HEATR4: variants seen among roughly 807,000 people sequenced by gnomAD.
The protein encoded by HEATR4 is HEAT repeat containing 4.
A neutral mutation model predicts 108.8 loss-of-function variants in HEATR4; 95 were observed. The ratio of observed to expected loss-of-function variants is 0.87; its 90% CI spans 0.74 to 1.04. HEATR4 has a LOEUF of 1.04. HEATR4 is among the 50% of genes least tolerant of loss of function. HEATR4 has a pLI of 0.00. For missense variants in HEATR4, 1,152 were observed against 1,253.8 expected, an observed-to-expected ratio of 0.92 and a Z score of 1.23; for synonymous variants, 443 against 459.4, an observed-to-expected ratio of 0.96 and a Z score of 0.46.
Position 73,514,107 on chromosome 14 carries a change from T to G in HEATR4, c.1338A>C (p.Ser446=). ...KTRRLKKQAK[S]LQEDVTWELV... ...GTTCCCAGGTCACATCCTCCTGCAG[T>G]GATTTTGCCTGCTTCTTCAATCTCC... is the stretch of plus-strand genomic sequence containing the variant. Residue 446 remains serine (S), a synonymous_variant, in exon 6 of 18, where the codon TCA becomes TCC. Coordinates refer to ENST00000553558, the MANE Select transcript of HEATR4 (RefSeq NM_001220484.1). The G allele has an allele frequency of 6.2e-7, 1 of 1,614,202 alleles. No homozygotes were observed. The highest frequency in any genetic ancestry group is 8.5e-7 in the Non-Finnish European group (1 of 1,180,038).
intron 1 of HEATR4, among the ~76,000 whole-genome samples, chr14:73,540,200 T>G (rs536499420): frequency 0.1 from 13,919 of 139,654 alleles, 21 homozygotes; most frequent in African/African-American, 0.29. Context: ...ACTTACAAAG[T>G]TAAATATGTT....
At chr14:73,576,736 C>T in the HEATR4 span, among the ~76,000 whole-genome samples, 11 of 123,030 alleles carry the variant, frequency 8.9e-5, no homozygotes, top group Non-Finnish European at 1.6e-4. Flanking sequence ...GCAGAGGTTG[C>T]AGTGAGCTGA....
chr14:73,591,826 T>G, the HEATR4 span: 1 of 844,348 alleles, frequency 1.2e-6, no homozygotes, highest in Non-Finnish European at 1.6e-6. Context: ...CCCAGGGGCT[T>G]TCTGGGACTG....
At chr14:73,604,166 T>TTTTTTC in the HEATR4 span, among the ~76,000 whole-genome samples, 3 of 54,056 alleles carry the variant, frequency 5.5e-5, 1 homozygote, top group East Asian at 1.2e-3. Context: ...GCTAATTTCT[T>TTTTTTC]TTTTTTTTTT....
At chr14:73,564,137 A>C in the HEATR4 span, among the ~76,000 whole-genome samples, 4 of 151,862 alleles carry the variant, frequency 2.6e-5, no homozygotes, top group Admixed American at 2.6e-4. Flanking sequence ...CGTCGTACTA[A>C]ATATACAAAA....
At chr14:73,617,238 T>A in the HEATR4 span, 1 of 1,613,268 alleles carries the variant, frequency 6.2e-7, no homozygotes, top group Non-Finnish European at 8.5e-7. Flanking sequence ...GGGATAGAGC[T>A]GATGCAGGGC....
the HEATR4 span, chr14:73,617,335 C>G: frequency 1.7e-6 from 2 of 1,179,950 alleles, no homozygotes; most frequent in South Asian, 2.6e-5. Context: ...AGGGTGGAAG[C>G]TGGGCATGGT....
the HEATR4 span, among the ~76,000 whole-genome samples, chr14:73,606,978 T>C: frequency 6.6e-6 from 1 of 152,164 alleles, no homozygotes; most frequent in African/African-American, 2.4e-5. Context: ...CAAGAGGAAG[T>C]ACCATCTTGT....
At chr14:73,611,326 T>C in the HEATR4 span, among the ~76,000 whole-genome samples, 5 of 152,220 alleles carry the variant, frequency 3.3e-5, no homozygotes, top group Non-Finnish European at 7.3e-5. Flanking sequence ...AAGGGACTTA[T>C]AGTCTCCTCC....
the HEATR4 span, among the ~76,000 whole-genome samples, chr14:73,590,869 G>C: frequency 2.0e-5 from 3 of 152,182 alleles, no homozygotes; most frequent in Non-Finnish European, 4.4e-5. Context: ...GGCCAGCCCA[G>C]AAAGGGGCTC....
chr14:73,552,033 A>G (rs937462176), intron 1 of HEATR4, among the ~76,000 whole-genome samples: 6 of 114,138 alleles, frequency 5.3e-5, no homozygotes, highest in African/African-American at 1.7e-4. Context: ...TCACAGTTAA[A>G]CAGGGCTCTT....
the HEATR4 span, among the ~76,000 whole-genome samples, chr14:73,566,361 G>A: frequency 1.3e-5 from 2 of 152,096 alleles, no homozygotes; most frequent in Non-Finnish European, 2.9e-5. Flanking sequence ...GTGGTCAATG[G>A]GACTGGGCTC....
At chr14:73,632,028 G>A in the HEATR4 span, 1 of 153,908 alleles carries the variant, frequency 6.5e-6, no homozygotes, top group East Asian at 1.9e-4. Flanking sequence ...ATGGATACCA[G>A]GAGGCTTTGT....
the HEATR4 span, chr14:73,591,760 G>A: frequency 4.3e-6 from 2 of 468,970 alleles, no homozygotes; most frequent in African/African-American, 2.0e-5. Context: ...CTGAAGAGGA[G>A]CCTGGCTACT....
rs747162876 is a variant in HEATR4, at chr14:73,498,238, G to C, written c.2463C>G (p.Ile821Met). 2.5e-6 allele frequency: 4 copies of C among 1,614,016 alleles called. No homozygotes were observed. The Admixed American group carries it at 6.7e-5, about 27-fold the overall frequency. The stretch of plus-strand genomic sequence containing the variant: ...GGTCCCCTTGAAGTTTCAGGGCTAG[G>C]ATGCTACGGCAAGCTTCCAGCCGTA... ...PGVRLEACRS[I>M]LALKLQGDRV... Residue 821 changes from isoleucine to methionine, a missense_variant, in exon 14 of 18, where the codon ATC becomes ATG. Physicochemically the swap from Ile to Met is conservative, Grantham distance 10. Transcript: ENST00000553558.
chr14:73,514,809 C>T (rs1299577797), intron 5 of HEATR4, among the ~76,000 whole-genome samples: 1 of 152,048 alleles, frequency 6.6e-6, no homozygotes, highest in Non-Finnish European at 1.5e-5. Context: ...TGGCTTTTGC[C>T]TGTAATCCCA....
At chr14:73,579,770 T>C in the HEATR4 span, among the ~76,000 whole-genome samples, 1 of 151,730 alleles carries the variant, frequency 6.6e-6, no homozygotes, top group African/African-American at 2.4e-5. Flanking sequence ...CCACGTCCAA[T>C]GGGCATGGTT....
At chr14:73,570,710 G>A in the HEATR4 span, among the ~76,000 whole-genome samples, 1 of 151,912 alleles carries the variant, frequency 6.6e-6, no homozygotes, top group African/African-American at 2.4e-5. Context: ...TTCGAGACCA[G>A]CCTGGCCAAC....
the HEATR4 span, among the ~76,000 whole-genome samples, chr14:73,600,625 A>C: frequency 5.9e-5 from 9 of 151,560 alleles, no homozygotes; most frequent in Non-Finnish European, 1.2e-4. Flanking sequence ...CTAATTTGTT[A>C]TGTTTAGTAG....
Sources: gnomAD v4.1 joint callset for allele counts (sites outside exome capture counted in the v4.1 genomes callset) on GRCh38, gnomAD v4.1.1 for gene constraint, MANE v1.5 for transcripts, NCBI Gene and HGNC (gene_info 2026-07-23, HGNC 2026-07-21) for gene names.